Variants in IL12RB2 observed in about 807,000 individuals in gnomAD.
The protein encoded by IL12RB2 is interleukin 12 receptor subunit beta 2, also known as interleukin-12 receptor subunit beta-2.
IL12RB2 carries 82 observed loss-of-function variants against 89.4 expected under a neutral mutation model. The ratio of observed to expected loss-of-function variants is 0.92; its 90% CI spans 0.77 to 1.10. The LOEUF (loss-of-function observed/expected upper bound fraction) is 1.10, where lower values mean the gene tolerates loss of function less well. Ranked by LOEUF, IL12RB2 falls within the 50% of genes least tolerant of loss-of-function variation. The pLI, the probability that IL12RB2 is intolerant of heterozygous loss-of-function variation, is 0.00. For synonymous variants in IL12RB2, 368 were observed against 370.1 expected, an observed-to-expected ratio of 0.99 and a Z score of 0.07; for missense variants, 963 against 1,031.9, an observed-to-expected ratio of 0.93 and a Z score of 0.92.
In IL12RB2 at chr1:67,396,031, G is replaced by C; in HGVS notation, c.2531G>C (p.Cys844Ser). The stretch of plus-strand genomic sequence containing the variant: ...TCTCTTCACCCACTCACCTTCTCCT[G>C]TGGTGATAAGCTGACTCTGGATCAG... ...SSSLHPLTFS[C>S]GDKLTLDQLK... The change falls in exon 17 of 17, where the codon TGT (cysteine) becomes TCT (serine). Residue 844 changes from cysteine to serine, a missense_variant. By Grantham distance (112) the Cys-to-Ser change is moderately radical. Transcript: ENST00000674203. 1 of 1,603,974 alleles carries C rather than the reference G, an allele frequency of 6.2e-7. No individual in the cohort carries two copies. Among genetic ancestry groups the C allele is most frequent in the Non-Finnish European group, 8.5e-7 (1 of 1,170,608 alleles).
intron 4 of IL12RB2, among the ~76,000 whole-genome samples, chr1:67,322,765 G>A (rs894955971): frequency 1.3e-5 from 2 of 152,222 alleles, no homozygotes; most frequent in African/African-American, 4.8e-5. Context: ...GGTCCCTTCA[G>A]GCAGCTGCTG....
chr1:67,351,068 A>G lies in IL12RB2; in HGVS notation c.1237A>G (p.Ile413Val). 1 of 1,613,244 alleles carries G rather than the reference A, an allele frequency of 6.2e-7. No individual in the cohort carries two copies. Among genetic ancestry groups the G allele is most frequent in the East Asian group, 2.2e-5 (1 of 44,888 alleles). ...KGSSLPTRIN[I>V]MNLCEAGLLA... ...CAGTTCTCTGCCCACTCGTATTAACATAATGAACCTGTGTGAGGCAGGTAA... is the reference window on the plus strand; with the variant it reads ...CAGTTCTCTGCCCACTCGTATTAACGTAATGAACCTGTGTGAGGCAGGTAA... The change falls in exon 10 of 17, where the codon ATA becomes GTA. Residue 413 changes from isoleucine (I) to valine (V), a missense_variant. Physicochemically the swap from Ile to Val is conservative, Grantham distance 29. Transcript: ENST00000674203.
chr1:67,317,974 C>A (rs1161370338), intron 2 of IL12RB2, among the ~76,000 whole-genome samples: 1 of 152,090 alleles, frequency 6.6e-6, no homozygotes, highest in Non-Finnish European at 1.5e-5. Context: ...CTGGGGAAGA[C>A]CACATTGGTC....
intron 2 of IL12RB2, among the ~76,000 whole-genome samples, chr1:67,317,493 C>T (rs1655930219): frequency 6.6e-6 from 1 of 152,150 alleles, no homozygotes; most frequent in South Asian, 2.1e-4. Flanking sequence ...ATCTCTCTGA[C>T]CCACTCTCCT....
chr1:67,381,802 G>C (rs1431167788), intron 14 of IL12RB2, among the ~76,000 whole-genome samples: 1 of 146,782 alleles, frequency 6.8e-6, no homozygotes, highest in Non-Finnish European at 1.5e-5. Context: ...AAGTTAACTT[G>C]CTCGATTAAT....
intron 13 of IL12RB2, among the ~76,000 whole-genome samples, chr1:67,374,777 CTTTTTTTTTTTTTTTT>C (rs35122967): frequency 1.9e-5 from 1 of 53,866 alleles, no homozygotes; most frequent in South Asian, 1.2e-3. Context: ...AGCCCAGCCT[CTTTTTTTTTTTTTTTT>C]TTTTTTTTTT....
intron 2 of IL12RB2, among the ~76,000 whole-genome samples, chr1:67,314,524 A>G (rs1655507924): frequency 6.6e-6 from 1 of 152,214 alleles, no homozygotes. Context: ...CTCACAGTCA[A>G]TAGCATATAG....
intron 14 of IL12RB2, among the ~76,000 whole-genome samples, chr1:67,380,424 T>C (rs1664450048): frequency 6.6e-6 from 1 of 152,224 alleles, no homozygotes; most frequent in Non-Finnish European, 1.5e-5. Context: ...CTGAATCCTG[T>C]AGGCAAGGAT....
intron 11 of IL12RB2, among the ~76,000 whole-genome samples, chr1:67,372,097 T>G (rs1263098834): frequency 6.6e-6 from 1 of 151,728 alleles, no homozygotes; most frequent in East Asian, 1.9e-4. Flanking sequence ...TGTGTGTGTG[T>G]GGTTATATTT....
In IL12RB2 at chr1:67,362,589, AAAAG is replaced by A. The variant is rs1570053570; in HGVS notation, c.1259-5232_1259-5229del. Among the ~76,000 whole-genome samples, 4 of 149,250 alleles carry A rather than the reference AAAAG, an allele frequency of 2.7e-5. No homozygotes were observed. In the East Asian group the frequency reaches 5.8e-4, roughly 22 times the overall value. On this transcript the variant is annotated intron_variant, in intron 10 of 16. Coordinates refer to ENST00000674203, the MANE Select transcript of IL12RB2 (RefSeq NM_001374259.2). ...CTCCGTCTCAAAAAAAAAAAAAAAA[AAAAG>A]AAAAAGAAAAAAAAAGAAACCATGC... is the stretch of plus-strand genomic sequence containing the variant.
intron 8 of IL12RB2, among the ~76,000 whole-genome samples, chr1:67,336,187 G>C (rs534558193): frequency 6.6e-6 from 1 of 152,112 alleles, no homozygotes; most frequent in South Asian, 2.1e-4. Flanking sequence ...CAGGGTCTTC[G>C]GGGAAAGCAA....
intron 15 of IL12RB2, among the ~76,000 whole-genome samples, chr1:67,388,815 A>G (rs763515434): frequency 4.6e-5 from 7 of 152,328 alleles, no homozygotes; most frequent in African/African-American, 1.7e-4. Context: ...AATGCTGTGT[A>G]AAGTAAGAGA....
chr1:67,313,829 GAA>G (rs1558291715), intron 1 of IL12RB2, 82 bp from the exon 2 acceptor site: 1 of 151,926 alleles, frequency 6.6e-6, no homozygotes, highest in Admixed American at 6.5e-5. Context: ...GCATCAGAGA[GAA>G]AGAGAGAGAG....
intron 9 of IL12RB2, among the ~76,000 whole-genome samples, chr1:67,347,120 A>T (rs1385202391): frequency 6.6e-6 from 1 of 152,214 alleles, no homozygotes; most frequent in Non-Finnish European, 1.5e-5. Flanking sequence ...CCAAGGTCAT[A>T]CAGCTGCTAT....
intron 13 of IL12RB2, among the ~76,000 whole-genome samples, chr1:67,378,129 AAAC>A (rs34521970): frequency 0.65 from 98,042 of 150,958 alleles, 32,425 homozygotes; most frequent in South Asian, 0.73. Flanking sequence ...AAAACAAAAC[AAAC>A]AACAACAACA....
chr1:67,386,872 T>TTTTTTATATA (rs1473033781), intron 15 of IL12RB2, among the ~76,000 whole-genome samples: 3 of 48,464 alleles, frequency 6.2e-5, no homozygotes, highest in Non-Finnish European at 1.3e-4. Flanking sequence ...GAAATGTATT[T>TTTTTTATATA]TATATATATA....
At chr1:67,360,210 T>C (rs2100916426) in intron 10 of IL12RB2, among the ~76,000 whole-genome samples, 1 of 152,120 alleles carries the variant, frequency 6.6e-6, no homozygotes, top group East Asian at 1.9e-4. Flanking sequence ...GAAGCCAGCC[T>C]GGCCAACATG....
At chr1:67,327,834 A>T (rs1397718733) in intron 5 of IL12RB2, among the ~76,000 whole-genome samples, 1 of 152,222 alleles carries the variant, frequency 6.6e-6, no homozygotes, top group Non-Finnish European at 1.5e-5. Context: ...CCACTGCTGT[A>T]CTAGGAACTG....
intron 16 of IL12RB2, among the ~76,000 whole-genome samples, chr1:67,392,623 C>CTTTTTTTTT (rs527587132): frequency 1.2e-5 from 1 of 84,250 alleles, no homozygotes; most frequent in African/African-American, 4.8e-5. Context: ...TTTTAGATAT[C>CTTTTTTTTT]TTTTTTTTTT....
Sources: gnomAD v4.1 joint callset for allele counts (sites outside exome capture counted in the v4.1 genomes callset) on GRCh38, gnomAD v4.1.1 for gene constraint, MANE v1.5 for transcripts, NCBI Gene and HGNC (gene_info 2026-07-23, HGNC 2026-07-21) for gene names.